SPTLC2: variants seen among roughly 807,000 people sequenced by gnomAD.
SPTLC2 encodes serine palmitoyltransferase long chain base subunit 2.
A neutral mutation model predicts 62.0 loss-of-function variants in SPTLC2; 21 were observed. The observed-to-expected ratio is 0.34, with a 90% confidence interval of 0.24 to 0.49. The LOEUF (loss-of-function observed/expected upper bound fraction) is 0.49. Among genes scored for constraint, SPTLC2 ranks in the 20% least tolerant of loss-of-function variants. The probability of loss-of-function intolerance (pLI) is 0.99; values close to 1 mark genes in which losing one functional copy is unlikely to be tolerated. For missense variants in SPTLC2, 511 were observed against 713.0 expected (o/e 0.72, Z 3.23); for synonymous variants, 261 against 261.8 (o/e 1.00, Z 0.03).
chr14:77,589,482 CTTTTT>C (rs10717655), intron 2 of SPTLC2, among the ~76,000 whole-genome samples: 1 of 141,326 alleles, frequency 7.1e-6, no homozygotes. Context: ...ATATCTTAAA[CTTTTT>C]TTTTTTTTTT....
chr14:77,537,087 T>C (rs2079475250), intron 9 of SPTLC2, among the ~76,000 whole-genome samples: 1 of 152,080 alleles, frequency 6.6e-6, no homozygotes, highest in South Asian at 2.1e-4. Context: ...CACACCCAGC[T>C]AATTTTTGGA....
intron 9 of SPTLC2, among the ~76,000 whole-genome samples, chr14:77,538,540 A>G (rs1214607686): frequency 6.6e-6 from 1 of 152,156 alleles, no homozygotes; most frequent in Non-Finnish European, 1.5e-5. Flanking sequence ...ATCTTCCTGA[A>G]TTTCACTTAT....
At chr14:77,560,802 A>G (rs2079610613) in intron 6 of SPTLC2, among the ~76,000 whole-genome samples, 1 of 151,998 alleles carries the variant, frequency 6.6e-6, no homozygotes, top group African/African-American at 2.4e-5. Context: ...AGTGGGAGCT[A>G]AACACTGAGT....
chr14:77,520,116 A>G lies in SPTLC2; in HGVS notation c.1439+1330T>C, dbSNP rs577313388. ...AAAGTGTACACAGTCAGTTGCACCT[A>G]TGTAGAATAAAGGAGACACAGCCTT... On this transcript the variant is annotated intron_variant, in intron 10 of 11. Transcript: ENST00000216484. 2.1e-5 allele frequency among the ~76,000 whole-genome samples: 3 copies of G among 140,206 alleles called. No homozygotes were observed. The East Asian group carries it at 6.5e-4, about 30-fold the overall frequency. 92.0% of individuals were successfully genotyped at this position (140,206 alleles called of 152,430 possible). A position where few individuals can be genotyped will look rare whatever the true frequency, so the allele number is the denominator to read the frequency against.
intron 1 of SPTLC2, among the ~76,000 whole-genome samples, chr14:77,607,781 G>A (rs1430210979): frequency 2.0e-5 from 3 of 152,102 alleles, no homozygotes; most frequent in African/African-American, 4.8e-5. Flanking sequence ...ATGAGGTTTC[G>A]CACCAACTAA....
At chr14:77,562,534 G>A (rs755226352) in intron 5 of SPTLC2, 45 bp from the exon 6 acceptor site, 36 of 1,526,072 alleles carry the variant, frequency 2.4e-5, no homozygotes, top group Non-Finnish European at 3.3e-5. Flanking sequence ...GGAGGGGAAA[G>A]GGTTAGTTAC....
chr14:77,604,100 T>C (rs2079892008), intron 1 of SPTLC2, among the ~76,000 whole-genome samples: 1 of 147,654 alleles, frequency 6.8e-6, no homozygotes, highest in Non-Finnish European at 1.5e-5. Context: ...TACTCCCTGA[T>C]ATGCAGGGAT....
chr14:77,606,795 T>C (rs1198319133), intron 1 of SPTLC2, among the ~76,000 whole-genome samples: 1 of 152,172 alleles, frequency 6.6e-6, no homozygotes, highest in Non-Finnish European at 1.5e-5. Flanking sequence ...AAAACCAGCC[T>C]GGACAACATA....
At chr14:77,606,572 C>G (rs767328388) in intron 1 of SPTLC2, among the ~76,000 whole-genome samples, 2 of 152,102 alleles carry the variant, frequency 1.3e-5, no homozygotes, top group African/African-American at 2.4e-5. Flanking sequence ...AATTTTTCAA[C>G]ATTAAAGTCT....
chr14:77,585,041 G>A (rs554312406), intron 2 of SPTLC2, among the ~76,000 whole-genome samples: 1 of 152,332 alleles, frequency 6.6e-6, no homozygotes, highest in African/African-American at 2.4e-5. Context: ...CGACAGTTGT[G>A]ATGCCAGCAC....
intron 5 of SPTLC2, among the ~76,000 whole-genome samples, chr14:77,569,538 C>T (rs1214677713): frequency 6.6e-6 from 1 of 151,858 alleles, no homozygotes; most frequent in Admixed American, 6.6e-5. Context: ...CACAGTCACA[C>T]AGCTAAGTGT....
chr14:77,600,464 T>C (rs1319621940), intron 1 of SPTLC2, among the ~76,000 whole-genome samples: 1 of 152,200 alleles, frequency 6.6e-6, no homozygotes, highest in Non-Finnish European at 1.5e-5. Context: ...TAAGAACTGA[T>C]GCTAAATCTT....
chr14:77,564,967 C>G (rs1003561840), intron 5 of SPTLC2, among the ~76,000 whole-genome samples: 1 of 151,668 alleles, frequency 6.6e-6, no homozygotes, highest in African/African-American at 2.4e-5. Flanking sequence ...AAGCCGGGTG[C>G]GGTGGCTCAC....
intron 4 of SPTLC2, among the ~76,000 whole-genome samples, chr14:77,575,775 T>C (rs1175584009): frequency 1.3e-5 from 2 of 152,338 alleles, no homozygotes; most frequent in Non-Finnish European, 2.9e-5. Context: ...TCAGCTGATC[T>C]TCCTATCTTG....
intron 2 of SPTLC2, among the ~76,000 whole-genome samples, chr14:77,594,256 C>T (rs1481739575): frequency 6.6e-6 from 1 of 152,186 alleles, no homozygotes; most frequent in Non-Finnish European, 1.5e-5. Context: ...TTAGAAACTA[C>T]TTAAGAATAA....
rs57491656 is a variant in SPTLC2 at position 77,608,866 on chromosome 14, C to A, written c.132+7582G>T. Among the ~76,000 whole-genome samples the A allele has an allele frequency of 6.7e-3, 1,007 of 150,768 alleles. 11 individuals carry two copies. Among genetic ancestry groups the A allele is most frequent in the African/African-American group, 0.023 (956 of 41,018 alleles). On this transcript the variant is annotated intron_variant, in intron 1 of 11. Transcript: ENST00000216484. ...CTTGGAGGCGGAGGTTGCAGTGAGCCGAGATCACATCACTGCACTCCAGCC... is the reference window on the plus strand; with the variant it reads ...CTTGGAGGCGGAGGTTGCAGTGAGCAGAGATCACATCACTGCACTCCAGCC...
chr14:77,580,313 C>A (rs894048084), intron 2 of SPTLC2, among the ~76,000 whole-genome samples: 1 of 151,392 alleles, frequency 6.6e-6, no homozygotes, highest in African/African-American at 2.4e-5. Context: ...CGAAACCCAT[C>A]GCCACTAAAA....
chr14:77,601,111 TTTTTC>T (rs1303649737), intron 1 of SPTLC2, among the ~76,000 whole-genome samples: 1 of 152,220 alleles, frequency 6.6e-6, no homozygotes, highest in African/African-American at 2.4e-5. Context: ...ACTGCTTTGA[TTTTTC>T]TTTTCTTGTT....
intron 5 of SPTLC2, among the ~76,000 whole-genome samples, chr14:77,564,442 C>T (rs2079633647): frequency 1.0e-5 from 1 of 96,672 alleles, no homozygotes; most frequent in Admixed American, 1.1e-4. Context: ...CACACACACA[C>T]ACACACACAG....
Sources: gnomAD v4.1 joint callset for allele counts (sites outside exome capture counted in the v4.1 genomes callset) on GRCh38, gnomAD v4.1.1 for gene constraint, MANE v1.5 for transcripts, NCBI Gene and HGNC (gene_info 2026-07-23, HGNC 2026-07-21) for gene names.